KCNJ3: variants seen among roughly 807,000 people sequenced by gnomAD.
KCNJ3 encodes potassium inwardly rectifying channel subfamily J member 3, also known as G protein-activated inward rectifier potassium channel 1.
In KCNJ3, 4 loss-of-function variants were observed where a neutral mutation model predicts 39.2. That is an observed-to-expected ratio of 0.10 (90% CI 0.05 to 0.23). The LOEUF is 0.23. Ranked by LOEUF, KCNJ3 falls within the 10% of genes least tolerant of loss-of-function variation. The pLI is 1.00. For missense variants in KCNJ3, 276 were observed against 634.9 expected, an observed-to-expected ratio of 0.43 and a Z score of 6.08; for synonymous variants, 230 against 237.4, an observed-to-expected ratio of 0.97 and a Z score of 0.29.
chr2:154,807,079 A>G (rs1686925489), intron 2 of KCNJ3, among the ~76,000 whole-genome samples: 2 of 152,094 alleles, frequency 1.3e-5, no homozygotes, highest in Non-Finnish European at 2.9e-5. Flanking sequence ...CACTATTTCT[A>G]ATTGGATAGT....
intron 2 of KCNJ3, among the ~76,000 whole-genome samples, chr2:154,749,434 T>A (rs1215248894): frequency 1.3e-5 from 2 of 152,082 alleles, no homozygotes; most frequent in African/African-American, 2.4e-5. Flanking sequence ...TCTGTCCAAC[T>A]CAACATTTAG....
Position 154,831,833 on chromosome 2 carries a change from A to G in KCNJ3, c.920-22894A>G, listed in dbSNP as rs972634244. Among the ~76,000 whole-genome samples the G allele has an allele frequency of 2.6e-5, 4 of 152,328 alleles. No individual in the cohort carries two copies. The South Asian group carries it at 8.3e-4, about 32-fold the overall frequency. ...TATCTTAGTCCATTTGTGTTACTAT[A>G]AAAGAATACCCAAAGCTAGGTACAT... On this transcript the variant is annotated intron_variant, in intron 2 of 2. Transcript: ENST00000295101.
At chr2:154,720,441 C>G (rs1685249105) in intron 2 of KCNJ3, among the ~76,000 whole-genome samples, 1 of 152,016 alleles carries the variant, frequency 6.6e-6, no homozygotes. Flanking sequence ...ACATCTTAGT[C>G]TCCCTTAAAT....
At chr2:154,823,930 T>G (rs978333243) in intron 2 of KCNJ3, among the ~76,000 whole-genome samples, 8 of 152,204 alleles carry the variant, frequency 5.3e-5, no homozygotes, top group Admixed American at 2.0e-4. Flanking sequence ...ATAAATAAAT[T>G]AATGAATGAA....
At chr2:154,773,725 G>T (rs1686283087) in intron 2 of KCNJ3, among the ~76,000 whole-genome samples, 1 of 152,030 alleles carries the variant, frequency 6.6e-6, no homozygotes, top group South Asian at 2.1e-4. Context: ...TGCATTTTCA[G>T]AAGTTTTGAA....
intron 2 of KCNJ3, among the ~76,000 whole-genome samples, chr2:154,752,812 A>G (rs752391556): frequency 1.3e-5 from 2 of 152,078 alleles, no homozygotes; most frequent in Non-Finnish European, 2.9e-5. Context: ...ATAGAACACT[A>G]TAAGTAAAGG....
intron 2 of KCNJ3, among the ~76,000 whole-genome samples, chr2:154,788,267 A>G (rs2105208393): frequency 6.6e-6 from 1 of 152,298 alleles, no homozygotes; most frequent in Non-Finnish European, 1.5e-5. Context: ...CAAAATGGAG[A>G]TATTGAGAAG....
intron 2 of KCNJ3, among the ~76,000 whole-genome samples, chr2:154,768,787 A>C (rs1420705806): frequency 6.6e-6 from 1 of 152,064 alleles, no homozygotes; most frequent in Non-Finnish European, 1.5e-5. Flanking sequence ...AACTATGGCC[A>C]TTTTCACGAT....
In KCNJ3 at chr2:154,699,585, C is replaced by T; in HGVS notation, c.702+108C>T. 1 of 1,451,194 alleles carries T rather than the reference C, an allele frequency of 6.9e-7. No individual in the cohort carries two copies. Among genetic ancestry groups the T allele is most frequent in the East Asian group, 2.5e-5 (1 of 40,162 alleles). The allele number at this position is 1,451,194 out of a possible 1,614,324, so 89.9% of individuals were successfully genotyped here. On this transcript the variant is annotated intron_variant, in intron 1 of 2. Transcript: ENST00000295101. The surrounding 1 kb of genome is among the most constrained non-coding windows in gnomAD (Gnocchi z 6.4). ...CCCCCTCCCCTGGTTCTACCTATAG[C>T]CACAGGTAAACTTCCTTTTGGGGGG...
intron 2 of KCNJ3, among the ~76,000 whole-genome samples, chr2:154,848,809 T>C (rs1455572773): frequency 3.3e-5 from 5 of 152,148 alleles, no homozygotes; most frequent in Admixed American, 3.3e-4. Flanking sequence ...GACACCACAG[T>C]ACTTACTGCA....
chr2:154,828,450 G>GATC (rs1046653663), intron 2 of KCNJ3, among the ~76,000 whole-genome samples: 1 of 152,208 alleles, frequency 6.6e-6, no homozygotes, highest in Non-Finnish European at 1.5e-5. Flanking sequence ...GTATGATCAG[G>GATC]ATCATCAGTT....
intron 2 of KCNJ3, among the ~76,000 whole-genome samples, chr2:154,838,736 G>A (rs1202679867): frequency 6.6e-6 from 1 of 152,058 alleles, no homozygotes; most frequent in African/African-American, 2.4e-5. Context: ...GTAAAGCAAG[G>A]CTTTAGTAAT....
intron 2 of KCNJ3, among the ~76,000 whole-genome samples, chr2:154,835,458 ATAT>A (rs959582528): frequency 2.1e-5 from 2 of 95,612 alleles, no homozygotes; most frequent in Non-Finnish European, 4.7e-5. Flanking sequence ...TGAATATATA[ATAT>A]TCATGAATAT....
intron 2 of KCNJ3, among the ~76,000 whole-genome samples, chr2:154,791,254 C>T (rs1686626929): frequency 6.9e-6 from 1 of 144,768 alleles, no homozygotes; most frequent in South Asian, 2.2e-4. Context: ...ACTGCTAAAG[C>T]ATATGCCCAA....
intron 2 of KCNJ3, among the ~76,000 whole-genome samples, chr2:154,836,323 C>T (rs1687462286): frequency 1.3e-5 from 2 of 151,334 alleles, no homozygotes; most frequent in Admixed American, 1.3e-4. Context: ...GCTAAATTGT[C>T]ATTTCTTTTC....
intron 1 of KCNJ3, 100 bp from the exon 2 acceptor site, chr2:154,709,503 A>G: frequency 8.5e-7 from 1 of 1,180,010 alleles, no homozygotes; most frequent in African/African-American, 1.5e-5. Flanking sequence ...CAGATGATTG[A>G]TAGTGCAGAA....
intron 2 of KCNJ3, among the ~76,000 whole-genome samples, chr2:154,716,416 C>T (rs1035675342): frequency 9.9e-5 from 15 of 151,702 alleles, no homozygotes; most frequent in Non-Finnish European, 1.8e-4. Flanking sequence ...TGAGCCACCA[C>T]GCCTAGCCCA....
chr2:154,751,066 G>C (rs897773541), intron 2 of KCNJ3, among the ~76,000 whole-genome samples: 10 of 151,250 alleles, frequency 6.6e-5, no homozygotes, highest in Non-Finnish European at 1.2e-4. Context: ...TCGGGTGATG[G>C]GTGCACCAAA....
intron 2 of KCNJ3, among the ~76,000 whole-genome samples, chr2:154,844,723 C>A (rs1301024542): frequency 6.6e-6 from 1 of 152,192 alleles, no homozygotes; most frequent in Non-Finnish European, 1.5e-5. Flanking sequence ...TAGCAGTGAG[C>A]AAGGCTCCGT....
Sources: allele counts gnomAD v4.1 joint callset (sites outside exome capture counted in the v4.1 genomes callset), GRCh38; gene constraint gnomAD v4.1.1; non-coding constraint Gnocchi (gnomAD v3.1); transcripts MANE v1.5; gene names NCBI Gene and HGNC (gene_info 2026-07-23, HGNC 2026-07-21).